Variants in NEGR1 observed in about 807,000 individuals in gnomAD.
NEGR1 encodes the protein neuronal growth regulator 1.
NEGR1 carries 10 observed loss-of-function variants against 40.9 expected under a neutral mutation model. The ratio of observed to expected loss-of-function variants is 0.24; its 90% CI spans 0.15 to 0.42. The LOEUF (loss-of-function observed/expected upper bound fraction) is 0.42. NEGR1 is among the 10% of genes least tolerant of loss of function. The pLI is 1.00. For synonymous variants in NEGR1, 185 were observed against 166.8 expected, an observed-to-expected ratio of 1.11 and a Z score of -0.84; for missense variants, 352 against 438.9, an observed-to-expected ratio of 0.80 and a Z score of 1.77.
At chr1:71,979,904 C>A (rs1646339731) in intron 1 of NEGR1, among the ~76,000 whole-genome samples, 1 of 152,192 alleles carries the variant, frequency 6.6e-6, no homozygotes, top group Admixed American at 6.5e-5. Context: ...GAAATTATAT[C>A]AAAGACTCTA....
At chr1:71,643,515 A>G (rs1480262770) in intron 4 of NEGR1, among the ~76,000 whole-genome samples, 1 of 152,060 alleles carries the variant, frequency 6.6e-6, no homozygotes, top group Non-Finnish European at 1.5e-5. Flanking sequence ...TACATATATC[A>G]GCCTTTTATG....
chr1:71,793,104 G>T (rs891423805), intron 2 of NEGR1, among the ~76,000 whole-genome samples: 1 of 147,532 alleles, frequency 6.8e-6, no homozygotes, highest in Non-Finnish European at 1.5e-5. Context: ...ACATATTGAA[G>T]ATGGCATAAA....
chr1:71,561,848 T>G (rs1020608334), intron 6 of NEGR1, among the ~76,000 whole-genome samples: 2 of 151,490 alleles, frequency 1.3e-5, no homozygotes, highest in African/African-American at 4.8e-5. Flanking sequence ...TTTTAGATCT[T>G]TCTTTCATGA....
At chr1:71,575,103 T>C (rs1648921654) in intron 6 of NEGR1, among the ~76,000 whole-genome samples, 1 of 152,176 alleles carries the variant, frequency 6.6e-6, no homozygotes, top group African/African-American at 2.4e-5. Flanking sequence ...ACTCATAAAC[T>C]CAGTATGGTG....
At chr1:72,171,922 C>T (rs1651977837) in intron 1 of NEGR1, among the ~76,000 whole-genome samples, 2 of 152,072 alleles carry the variant, frequency 1.3e-5, no homozygotes, top group African/African-American at 2.4e-5. Context: ...TGTTTGGGAA[C>T]CCAGTATTTT....
chr1:71,931,288 C>A lies in NEGR1; in HGVS notation c.409+3791G>T, dbSNP rs1189022586. Among the ~76,000 whole-genome samples, 3 of 152,250 alleles carry A rather than the reference C, an allele frequency of 2.0e-5. 1 individual carries two copies. In the East Asian group the frequency reaches 5.8e-4, roughly 29 times the overall value. On this transcript the variant is annotated intron_variant, in intron 2 of 6. Transcript: ENST00000357731. ...GGAATGAGTTGAACACTAAACATTT[C>A]ATATGTTTATTTAATACACGCTATC...
intron 1 of NEGR1, among the ~76,000 whole-genome samples, chr1:72,084,733 A>G (rs539065037): frequency 9.2e-4 from 140 of 152,256 alleles, no homozygotes; most frequent in African/African-American, 3.0e-3. Flanking sequence ...ATTTAAGAAA[A>G]TTTTCTAAAT....
intron 6 of NEGR1, among the ~76,000 whole-genome samples, chr1:71,443,383 G>A (rs565536311): frequency 6.6e-6 from 1 of 152,158 alleles, no homozygotes; most frequent in South Asian, 2.1e-4. Context: ...CTAAAAATAC[G>A]TTGCTATCTA....
chr1:71,445,470 G>A (rs991118535), intron 6 of NEGR1, among the ~76,000 whole-genome samples: 11 of 151,784 alleles, frequency 7.2e-5, no homozygotes, highest in Non-Finnish European at 1.5e-4. Flanking sequence ...AGGATTTAAG[G>A]CGTTAGAGAA....
chr1:71,607,046 T>G, intron 5 of NEGR1, among the ~76,000 whole-genome samples: 1 of 152,222 alleles, frequency 6.6e-6, no homozygotes, highest in East Asian at 1.9e-4. Context: ...AGCGATCGTA[T>G]AAGTTATTTC....
chr1:71,858,485 C>T (rs1659848987), intron 2 of NEGR1, among the ~76,000 whole-genome samples: 1 of 151,970 alleles, frequency 6.6e-6, no homozygotes, highest in South Asian at 2.1e-4. Context: ...CTTGCTAATT[C>T]ATGATAGTGA....
At chr1:72,091,499 C>T (rs1405341895) in intron 1 of NEGR1, among the ~76,000 whole-genome samples, 2 of 150,342 alleles carry the variant, frequency 1.3e-5, no homozygotes, top group East Asian at 4.0e-4. Context: ...AGACTATGAG[C>T]TTGACGTCTT....
At chr1:71,551,319 G>A (rs1296940072) in intron 6 of NEGR1, among the ~76,000 whole-genome samples, 1 of 151,506 alleles carries the variant, frequency 6.6e-6, no homozygotes, top group African/African-American at 2.4e-5. Flanking sequence ...AATGAGACAG[G>A]AAATTGAGAA....
At chr1:72,274,387 G>A (rs1000362322) in intron 1 of NEGR1, among the ~76,000 whole-genome samples, 9 of 152,136 alleles carry the variant, frequency 5.9e-5, no homozygotes, top group Admixed American at 2.0e-4. Flanking sequence ...ATCCCAAACC[G>A]TGGACTATTC....
chr1:71,436,979 G>A (rs1216641774), intron 6 of NEGR1, among the ~76,000 whole-genome samples: 1 of 152,030 alleles, frequency 6.6e-6, no homozygotes, highest in Non-Finnish European at 1.5e-5. Context: ...TAGGGGCTTA[G>A]GGCCTCTTCA....
chr1:71,815,546 T>C (rs547775725), intron 2 of NEGR1, among the ~76,000 whole-genome samples: 1 of 152,220 alleles, frequency 6.6e-6, no homozygotes, highest in Non-Finnish European at 1.5e-5. Context: ...AACCTAAGTC[T>C]CTTTTTAGGT....
intron 3 of NEGR1, among the ~76,000 whole-genome samples, chr1:71,701,584 T>C (rs1046790879): frequency 6.6e-6 from 1 of 152,012 alleles, no homozygotes; most frequent in East Asian, 1.9e-4. Flanking sequence ...CATCTCTAGC[T>C]CCTAACCTTA....
intron 1 of NEGR1, among the ~76,000 whole-genome samples, chr1:72,259,084 A>C (rs1452916117): frequency 6.6e-6 from 1 of 152,158 alleles, no homozygotes; most frequent in East Asian, 1.9e-4. Context: ...TGTTTGCATC[A>C]TGTGATCTGA....
At chr1:72,161,706 G>A (rs1165496124) in intron 1 of NEGR1, among the ~76,000 whole-genome samples, 5 of 61,938 alleles carry the variant, frequency 8.1e-5, no homozygotes, top group African/African-American at 1.5e-4. Context: ...TTGAGATGTA[G>A]TCTTGCTCTG....
Sources: gnomAD v4.1 joint callset for allele counts (sites outside exome capture counted in the v4.1 genomes callset) on GRCh38, gnomAD v4.1.1 for gene constraint, MANE v1.5 for transcripts, NCBI Gene and HGNC (gene_info 2026-07-23, HGNC 2026-07-21) for gene names.